The following DPP10 variants were observed in gnomAD, a reference collection of about 807,000 sequenced individuals.
DPP10 encodes the protein dipeptidyl peptidase like 10.
DPP10 carries 33 observed loss-of-function variants against 120.9 expected under a neutral mutation model. That is an observed-to-expected ratio of 0.27 (90% CI 0.21 to 0.37). DPP10 has a LOEUF of 0.37. Ranked by LOEUF, DPP10 falls within the 10% of genes least tolerant of loss-of-function variation. The probability of loss-of-function intolerance (pLI) is 1.00; values close to 1 mark genes in which losing one functional copy is unlikely to be tolerated. For missense variants in DPP10, 816 were observed against 942.8 expected (o/e 0.87, Z 1.76); for synonymous variants, 337 against 326.1 (o/e 1.03, Z -0.36).
chr2:114,958,379 C>T (rs1698365693), intron 1 of DPP10, among the ~76,000 whole-genome samples: 1 of 152,064 alleles, frequency 6.6e-6, no homozygotes, highest in Non-Finnish European at 1.5e-5. Flanking sequence ...ATAGACGTAC[C>T]GAGTCCTTCT....
intron 5 of DPP10, among the ~76,000 whole-genome samples, chr2:115,615,585 G>A (rs929271921): frequency 4.6e-5 from 7 of 152,072 alleles, no homozygotes; most frequent in Non-Finnish European, 8.8e-5. Context: ...AAAAAGCAGA[G>A]CAAAGCATTT....
chr2:115,179,798 A>G (rs1327465834), intron 1 of DPP10, among the ~76,000 whole-genome samples: 1 of 152,164 alleles, frequency 6.6e-6, no homozygotes, highest in Non-Finnish European at 1.5e-5. Flanking sequence ...TTTAACAAAC[A>G]CACCAGGAAG....
At chr2:115,804,487 T>A (rs1685671191) in intron 19 of DPP10, among the ~76,000 whole-genome samples, 1 of 152,222 alleles carries the variant, frequency 6.6e-6, no homozygotes, top group South Asian at 2.1e-4. Flanking sequence ...ACTGCGTTCC[T>A]TTGGAGGAGG....
At chr2:115,037,973 A>G (rs988139994) in intron 1 of DPP10, among the ~76,000 whole-genome samples, 30 of 152,266 alleles carry the variant, frequency 2.0e-4, no homozygotes, top group African/African-American at 6.3e-4. Context: ...GAATCCTACC[A>G]TCACATATTA....
At chr2:115,403,381 CTTTTTT>C (rs78116780) in intron 3 of DPP10, among the ~76,000 whole-genome samples, 2,459 of 115,736 alleles carry the variant, frequency 0.021, 3 homozygotes, top group African/African-American at 0.034. Context: ...TTCTTTCCTT[CTTTTTT>C]TTTTTTTTTT....
intron 1 of DPP10, among the ~76,000 whole-genome samples, chr2:115,134,928 C>T (rs202005362): frequency 6.6e-6 from 1 of 152,046 alleles, no homozygotes; most frequent in East Asian, 1.9e-4. Flanking sequence ...ATCGTGCAGC[C>T]TGGACAGAGG....
At chr2:115,681,930 GGAAAT>G (rs1230302287) in intron 5 of DPP10, among the ~76,000 whole-genome samples, 1 of 151,674 alleles carries the variant, frequency 6.6e-6, no homozygotes, top group Non-Finnish European at 1.5e-5. Context: ...AAAGCTGCTT[GGAAAT>G]GAAATGACCA....
rs1351444472 is a variant in DPP10, at chr2:115,195,630, T to TCC, written c.61-113609_61-113608insCC. ...TTTTTGTAATTTACAGAAATTATTA[T>TCC]TACTTTTTTTGTAATTTAGATAACG... On this transcript the variant is annotated intron_variant, in intron 1 of 25. Coordinates refer to ENST00000410059, the MANE Select transcript of DPP10 (RefSeq NM_020868.6). Among the ~76,000 whole-genome samples, 4 of 152,344 alleles carry TCC rather than the reference T, an allele frequency of 2.6e-5. No homozygotes were observed. In the East Asian group the frequency reaches 7.7e-4, roughly 29 times the overall value.
At chr2:114,608,459 T>A (rs1377327990) in intron 1 of DPP10, among the ~76,000 whole-genome samples, 1 of 152,208 alleles carries the variant, frequency 6.6e-6, no homozygotes, top group African/African-American at 2.4e-5. Flanking sequence ...ATGATCATGA[T>A]GATTTCACAT....
chr2:114,537,946 G>A (rs773123079), intron 1 of DPP10, among the ~76,000 whole-genome samples: 2 of 152,188 alleles, frequency 1.3e-5, no homozygotes, highest in East Asian at 1.9e-4. Flanking sequence ...CTGGGAATTC[G>A]CAGATTTGCC....
intron 5 of DPP10, among the ~76,000 whole-genome samples, chr2:115,620,040 G>A (rs1007377749): frequency 6.6e-6 from 1 of 152,158 alleles, no homozygotes; most frequent in Non-Finnish European, 1.5e-5. Context: ...GTTTTGCCAT[G>A]GCTGCTATAC....
At chr2:115,801,277 A>C (rs1290021235) in intron 19 of DPP10, among the ~76,000 whole-genome samples, 1 of 152,150 alleles carries the variant, frequency 6.6e-6, no homozygotes, top group Non-Finnish European at 1.5e-5. Context: ...ATTTTTGTAC[A>C]TTGATTTTGT....
At chr2:114,605,936 A>T (rs1004494519) in intron 1 of DPP10, among the ~76,000 whole-genome samples, 1 of 152,110 alleles carries the variant, frequency 6.6e-6, no homozygotes, top group Non-Finnish European at 1.5e-5. Context: ...TGGATATAAG[A>T]TGTCCAGTAA....
intron 1 of DPP10, among the ~76,000 whole-genome samples, chr2:114,980,996 T>G (rs1700055033): frequency 6.6e-6 from 1 of 152,030 alleles, no homozygotes; most frequent in Admixed American, 6.6e-5. Flanking sequence ...GTGTCATTTT[T>G]TTTTTTTTGT....
intron 1 of DPP10, among the ~76,000 whole-genome samples, chr2:114,567,894 A>G (rs1320906895): frequency 6.6e-6 from 1 of 152,110 alleles, no homozygotes; most frequent in Non-Finnish European, 1.5e-5. Context: ...GAACATCAGG[A>G]AAAATAGCTA....
rs180786464 is a variant in DPP10, at chr2:115,152,391, G to A, written c.61-156848G>A. Reference sequence around the variant, plus strand: ...GAATTTCATTCTATGTTTCCTTGTAGCAACTTTGTTTTGGGGGCTAAACTT... The same window carrying A: ...GAATTTCATTCTATGTTTCCTTGTAACAACTTTGTTTTGGGGGCTAAACTT... On this transcript the variant is annotated intron_variant, in intron 1 of 25. Coordinates refer to ENST00000410059, the MANE Select transcript of DPP10 (RefSeq NM_020868.6). 3.3e-5 allele frequency among the ~76,000 whole-genome samples: 5 copies of A among 152,272 alleles called. No individual in the cohort carries two copies. In the East Asian group the frequency reaches 7.7e-4, roughly 24 times the overall value.
chr2:115,662,179 G>C (rs1429536987), intron 5 of DPP10, among the ~76,000 whole-genome samples: 1 of 152,088 alleles, frequency 6.6e-6, no homozygotes, highest in Non-Finnish European at 1.5e-5. Flanking sequence ...TATCCATTTT[G>C]TTGCAAATGA....
At chr2:115,234,521 G>T (rs1178197481) in intron 1 of DPP10, 1 of 152,818 alleles carries the variant, frequency 6.5e-6, no homozygotes, top group Non-Finnish European at 1.5e-5. Flanking sequence ...TTATAATTTT[G>T]ATTCTCAATA....
intron 1 of DPP10, among the ~76,000 whole-genome samples, chr2:115,059,770 C>G (rs1706251109): frequency 6.6e-6 from 1 of 151,158 alleles, no homozygotes; most frequent in South Asian, 2.1e-4. Flanking sequence ...AAACAGCTTC[C>G]TGATAGCTGG....
Sources: gnomAD v4.1 joint callset for allele counts (sites outside exome capture counted in the v4.1 genomes callset) on GRCh38, gnomAD v4.1.1 for gene constraint, MANE v1.5 for transcripts, NCBI Gene and HGNC (gene_info 2026-07-23, HGNC 2026-07-21) for gene names.